BBOX1: variants seen among roughly 807,000 people sequenced by gnomAD.
BBOX1 encodes the protein gamma-butyrobetaine dioxygenase.
Under a neutral mutation model 41.6 loss-of-function variants are expected in BBOX1, and 35 were observed. The observed-to-expected ratio is 0.84, with a 90% confidence interval of 0.64 to 1.11. The LOEUF (loss-of-function observed/expected upper bound fraction) is 1.11, where lower values mean the gene tolerates loss of function less well. Among genes scored for constraint, BBOX1 ranks in the 50% most tolerant of loss-of-function variants. BBOX1 has a pLI of 0.00. For synonymous variants in BBOX1, 163 were observed against 154.7 expected, an observed-to-expected ratio of 1.05 and a Z score of -0.40; for missense variants, 458 against 460.6, an observed-to-expected ratio of 0.99 and a Z score of 0.05.
intron 4 of BBOX1, among the ~76,000 whole-genome samples, chr11:27,067,461 G>A (rs1160056313): frequency 2.6e-5 from 4 of 151,958 alleles, no homozygotes; most frequent in South Asian, 4.2e-4. Flanking sequence ...CGGGCCAGGC[G>A]CGGTGGCTCA....
chr11:27,116,559 G>A (rs1184851607), intron 6 of BBOX1, among the ~76,000 whole-genome samples: 2 of 151,872 alleles, frequency 1.3e-5, no homozygotes, highest in Non-Finnish European at 2.9e-5. Context: ...AATATGGGCT[G>A]TATTCAGCTA....
In BBOX1 at chr11:27,057,316, G is replaced by A. The variant is rs1471264088; in HGVS notation, c.334+1G>A. The A allele has an allele frequency of 6.2e-7, 1 of 1,603,648 alleles. No homozygotes were observed. Among genetic ancestry groups the A allele is most frequent in the Non-Finnish European group, 8.5e-7 (1 of 1,173,866 alleles). ...CTCCAAAGAGAATTGTTTTTTCCAG[G>A]TAACTTTGCCAAAGTCTTCAATGTC... On this transcript the variant is annotated splice_donor_variant, in intron 4 of 8. Transcript: ENST00000263182. LOFTEE classifies it high-confidence loss of function.
intron 2 of BBOX1, among the ~76,000 whole-genome samples, chr11:27,054,442 T>C (rs963436116): frequency 6.6e-6 from 1 of 152,256 alleles, no homozygotes; most frequent in Middle Eastern, 3.4e-3. Flanking sequence ...GAAAATAACA[T>C]ATGAAGAAAG....
chr11:27,094,404 G>C (rs1382408977), intron 5 of BBOX1, among the ~76,000 whole-genome samples: 2 of 151,966 alleles, frequency 1.3e-5, no homozygotes, highest in East Asian at 1.9e-4. Flanking sequence ...GCTGTATTCA[G>C]ATGTTTGGTT....
At chr11:27,115,403 T>C in intron 5 of BBOX1, 49 bp from the exon 6 acceptor site, 2 of 1,457,702 alleles carry the variant, frequency 1.4e-6, no homozygotes, top group Non-Finnish European at 1.9e-6. Context: ...ATGCATTTCC[T>C]CTGGCTTAGT....
intron 5 of BBOX1, among the ~76,000 whole-genome samples, chr11:27,107,615 A>G (rs1257456260): frequency 6.6e-6 from 1 of 151,994 alleles, no homozygotes; most frequent in Non-Finnish European, 1.5e-5. Flanking sequence ...TTGGAATAGC[A>G]TTAGAATCTG....
At chr11:27,059,112 G>A (rs1857067157) in intron 4 of BBOX1, among the ~76,000 whole-genome samples, 1 of 152,156 alleles carries the variant, frequency 6.6e-6, no homozygotes, top group Non-Finnish European at 1.5e-5. Flanking sequence ...TGGGCCAAGG[G>A]CTCCACTGCC....
At chr11:27,113,722 GT>G (rs1859160192) in intron 5 of BBOX1, among the ~76,000 whole-genome samples, 2 of 151,338 alleles carry the variant, frequency 1.3e-5, no homozygotes, top group African/African-American at 2.4e-5. Flanking sequence ...TATTACCTGA[GT>G]GACAAAAATA....
chr11:27,069,561 T>C lies in BBOX1; in HGVS notation c.334+12246T>C, dbSNP rs78180607. ...CTCTTTTCCAATTTGGTTGCCCTTT[T>C]TTCTTTCTCTTGTCCAATTACCCAA... On this transcript the variant is annotated intron_variant, in intron 4 of 8. Coordinates refer to ENST00000263182, the MANE Select transcript of BBOX1 (RefSeq NM_003986.3). Among the ~76,000 whole-genome samples, 52 of 152,180 alleles carry C rather than the reference T, an allele frequency of 3.4e-4. 2 individuals carry two copies. In the East Asian group the frequency reaches 8.7e-3, roughly 25 times the overall value.
At chr11:27,060,402 G>A (rs557388948) in intron 4 of BBOX1, among the ~76,000 whole-genome samples, 1 of 152,182 alleles carries the variant, frequency 6.6e-6, no homozygotes, top group South Asian at 2.1e-4. Context: ...TATAAAGCCT[G>A]TAGAACAGTG....
In BBOX1 at chr11:27,115,503, A is replaced by G. The variant is rs1859227185; in HGVS notation, c.585A>G (p.Thr195=). 5.0e-6 allele frequency: 8 copies of G among 1,611,406 alleles called. No homozygotes were observed. The highest frequency in any genetic ancestry group is 6.8e-6 in the Non-Finnish European group (8 of 1,178,248). Reference sequence around the variant, plus strand: ...TCGATGCAAACAATGTGGCTTACACAACTGGGAAGCTAAGCTTTCACACTG... The same window carrying G: ...TCGATGCAAACAATGTGGCTTACACGACTGGGAAGCTAAGCTTTCACACTG... ...DKIDANNVAY[T]TGKLSFHTDY... The change falls in exon 6 of 9, where the codon ACA becomes ACG. Residue 195 remains threonine, a synonymous_variant. Coordinates refer to ENST00000263182, the MANE Select transcript of BBOX1 (RefSeq NM_003986.3).
At chr11:27,054,985 T>G (rs981516316) in intron 2 of BBOX1, among the ~76,000 whole-genome samples, 1 of 152,158 alleles carries the variant, frequency 6.6e-6, no homozygotes, top group Non-Finnish European at 1.5e-5. Context: ...CATGTCCAAG[T>G]GGGCACCAGT....
At chr11:27,086,204 C>A (rs1858034660) in intron 4 of BBOX1, among the ~76,000 whole-genome samples, 1 of 152,010 alleles carries the variant, frequency 6.6e-6, no homozygotes, top group South Asian at 2.1e-4. Context: ...AGCAGATTGT[C>A]CATGTAGATA....
chr11:27,102,873 G>A (rs901543494), intron 5 of BBOX1, among the ~76,000 whole-genome samples: 1 of 151,990 alleles, frequency 6.6e-6, no homozygotes, highest in African/African-American at 2.4e-5. Flanking sequence ...AGTTTTACTG[G>A]CAATATGATT....
chr11:27,123,125 C>T (rs1487059793), intron 7 of BBOX1, among the ~76,000 whole-genome samples: 14 of 152,088 alleles, frequency 9.2e-5, no homozygotes, highest in Non-Finnish European at 4.4e-5. Flanking sequence ...TTCCATTCCC[C>T]TATTATTGCT....
chr11:27,116,362 T>C (rs138007510), intron 6 of BBOX1, among the ~76,000 whole-genome samples: 1 of 151,632 alleles, frequency 6.6e-6, no homozygotes, highest in African/African-American at 2.4e-5. Context: ...TTAGAAGAAA[T>C]ACCTGATGTA....
chr11:27,094,914 GA>G (rs1858383529), intron 5 of BBOX1, among the ~76,000 whole-genome samples: 1 of 151,950 alleles, frequency 6.6e-6, no homozygotes, highest in South Asian at 2.1e-4. Context: ...GAAAGAGGGG[GA>G]AAAGTCTCAA....
intron 4 of BBOX1, among the ~76,000 whole-genome samples, chr11:27,067,342 C>G (rs978940245): frequency 4.5e-4 from 68 of 151,922 alleles, no homozygotes; most frequent in Non-Finnish European, 1.3e-4. Context: ...TACGTTGTAA[C>G]GAATATGTCA....
intron 5 of BBOX1, among the ~76,000 whole-genome samples, chr11:27,107,040 C>T (rs1022695517): frequency 2.0e-5 from 3 of 151,926 alleles, no homozygotes; most frequent in Non-Finnish European, 2.9e-5. Context: ...TTGAAACCAA[C>T]GAGAACAAAG....
Sources: gnomAD v4.1 joint callset for allele counts (sites outside exome capture counted in the v4.1 genomes callset) on GRCh38, gnomAD v4.1.1 for gene constraint, MANE v1.5 for transcripts, NCBI Gene and HGNC (gene_info 2026-07-23, HGNC 2026-07-21) for gene names.